The following SCHIP1 variants were observed in gnomAD, a reference collection of about 807,000 sequenced individuals.
SCHIP1 encodes schwannomin-interacting protein 1.
In SCHIP1, 8 loss-of-function variants were observed where a neutral mutation model predicts 29.7. The ratio of observed to expected loss-of-function variants is 0.27; its 90% CI spans 0.16 to 0.49. SCHIP1 has a LOEUF of 0.49. SCHIP1 is among the 20% of genes least tolerant of loss of function. The pLI is 0.99. For synonymous variants in SCHIP1, 76 were observed against 94.9 expected (o/e 0.80, Z 1.16); for missense variants, 193 against 294.6 (o/e 0.66, Z 2.52).
the SCHIP1 span, among the ~76,000 whole-genome samples, chr3:159,790,318 A>G: frequency 3.7e-4 from 57 of 152,346 alleles, no homozygotes; most frequent in South Asian, 0.012. Flanking sequence ...GCAGCATTAG[A>G]ATGTGTTAAT....
the SCHIP1 span, among the ~76,000 whole-genome samples, chr3:159,433,925 G>A: frequency 6.6e-6 from 1 of 152,134 alleles, no homozygotes; most frequent in Admixed American, 6.6e-5. Context: ...ATTAGCTACT[G>A]CATCCACTGC....
the SCHIP1 span, among the ~76,000 whole-genome samples, chr3:159,722,687 C>T: frequency 6.3e-3 from 953 of 152,244 alleles, 13 homozygotes; most frequent in African/African-American, 0.022. Context: ...TTTTCAAGTA[C>T]TTTCACATAT....
chr3:159,407,587 T>G, the SCHIP1 span, among the ~76,000 whole-genome samples: 1 of 152,184 alleles, frequency 6.6e-6, no homozygotes, highest in Non-Finnish European at 1.5e-5. Flanking sequence ...ATACACATTG[T>G]TCTCCTCAGC....
intron 2 of SCHIP1, among the ~76,000 whole-genome samples, chr3:159,867,381 A>G (rs932448363): frequency 6.6e-6 from 1 of 152,194 alleles, no homozygotes; most frequent in Admixed American, 6.5e-5. Flanking sequence ...TAAAATATCT[A>G]TCTGTATTCC....
the SCHIP1 span, among the ~76,000 whole-genome samples, chr3:159,426,849 T>C: frequency 0.96 from 145,611 of 152,242 alleles, 69,667 homozygotes; most frequent in Admixed American, 0.97. Context: ...ATCAAGTGGG[T>C]TTCATCTCTG....
the SCHIP1 span, among the ~76,000 whole-genome samples, chr3:159,472,809 G>A: frequency 6.6e-6 from 1 of 152,164 alleles, no homozygotes; most frequent in Non-Finnish European, 1.5e-5. Flanking sequence ...TGGGTGTGCT[G>A]TATGAGTGTA....
At chr3:159,857,247 G>C (rs1713493626) in intron 1 of SCHIP1, among the ~76,000 whole-genome samples, 1 of 152,138 alleles carries the variant, frequency 6.6e-6, no homozygotes, top group Non-Finnish European at 1.5e-5. Flanking sequence ...AGAATTTCCG[G>C]TGAAATGCAA....
At chr3:159,613,432 T>A in the SCHIP1 span, among the ~76,000 whole-genome samples, 1 of 152,072 alleles carries the variant, frequency 6.6e-6, no homozygotes, top group Non-Finnish European at 1.5e-5. Flanking sequence ...AATCAATAGG[T>A]TTATGAATTT....
chr3:159,647,373 C>T, the SCHIP1 span, among the ~76,000 whole-genome samples: 2 of 151,956 alleles, frequency 1.3e-5, no homozygotes, highest in African/African-American at 2.4e-5. Flanking sequence ...GGTAGGGACC[C>T]AAAGTCTCCA....
the SCHIP1 span, among the ~76,000 whole-genome samples, chr3:159,344,591 T>C: frequency 1.3e-5 from 2 of 152,306 alleles, no homozygotes; most frequent in East Asian, 3.9e-4. Context: ...TTGAGAGACA[T>C]TTGACAAAAT....
the SCHIP1 span, among the ~76,000 whole-genome samples, chr3:159,500,488 C>T: frequency 6.6e-6 from 1 of 152,172 alleles, no homozygotes; most frequent in African/African-American, 2.4e-5. Context: ...CCGACACGGG[C>T]AGATCACGAG....
At chr3:159,441,143 G>A in the SCHIP1 span, among the ~76,000 whole-genome samples, 1 of 152,016 alleles carries the variant, frequency 6.6e-6, no homozygotes, top group Admixed American at 6.6e-5. Context: ...ACATGTCTGT[G>A]TGTGCATATG....
chr3:159,407,383 A>G, the SCHIP1 span, among the ~76,000 whole-genome samples: 1 of 152,210 alleles, frequency 6.6e-6, no homozygotes, highest in Non-Finnish European at 1.5e-5. Context: ...TACCCAATAT[A>G]TAAAGCAAAT....
the SCHIP1 span, among the ~76,000 whole-genome samples, chr3:159,614,163 T>C: frequency 3.2e-4 from 47 of 147,722 alleles, no homozygotes; most frequent in African/African-American, 1.2e-3. Flanking sequence ...CTAAAGCCTA[T>C]GGAGTTCAGC....
chr3:159,766,839 A>T, the SCHIP1 span, among the ~76,000 whole-genome samples: 4 of 152,162 alleles, frequency 2.6e-5, no homozygotes, highest in African/African-American at 2.4e-5. Context: ...TTAAAATTTG[A>T]TGGCTTACCT....
At chr3:159,450,413 G>A in the SCHIP1 span, among the ~76,000 whole-genome samples, 4 of 152,174 alleles carry the variant, frequency 2.6e-5, no homozygotes, top group Admixed American at 6.5e-5. Flanking sequence ...TTCTAAATCC[G>A]TAGTTTCAAT....
chr3:159,337,079 C>A, the SCHIP1 span, among the ~76,000 whole-genome samples: 4 of 152,132 alleles, frequency 2.6e-5, no homozygotes, highest in African/African-American at 9.7e-5. Context: ...AGCATATAAA[C>A]AGAACCAATG....
At chr3:159,283,723 AT>A in the SCHIP1 span, among the ~76,000 whole-genome samples, 36 of 152,220 alleles carry the variant, frequency 2.4e-4, no homozygotes, top group African/African-American at 7.7e-4. Context: ...GTACTTCAGA[AT>A]TTTTTTAGTG....
At chr3:159,605,264 A>G in the SCHIP1 span, among the ~76,000 whole-genome samples, 1 of 152,234 alleles carries the variant, frequency 6.6e-6, no homozygotes, top group South Asian at 2.1e-4. Context: ...TTAATCATAT[A>G]TGTTACTAAT....
Sources: allele counts gnomAD v4.1 joint callset (sites outside exome capture counted in the v4.1 genomes callset), GRCh38; gene constraint gnomAD v4.1.1; transcripts MANE v1.5; gene names NCBI Gene and HGNC (gene_info 2026-07-23, HGNC 2026-07-21).